C16orf95: variants seen among roughly 807,000 people sequenced by gnomAD.
C16orf95 encodes the protein chromosome 16 open reading frame 95, also known as uncharacterized protein C16orf95.
Under a neutral mutation model 32.1 loss-of-function variants are expected in C16orf95, and 41 were observed. The observed-to-expected ratio is 1.28, with a 90% CI of 1.00 to 1.66. The LOEUF (loss-of-function observed/expected upper bound fraction) is 1.66, where lower values mean the gene tolerates loss of function less well. Ranked by LOEUF, C16orf95 falls within the 40% of genes most tolerant of loss-of-function variation. The probability of loss-of-function intolerance (pLI) is 0.00; values close to 1 mark genes in which losing one functional copy is unlikely to be tolerated. For synonymous variants in C16orf95, 147 were observed against 128.9 expected, an observed-to-expected ratio of 1.14 and a Z score of -0.95; for missense variants, 399 against 325.9, an observed-to-expected ratio of 1.22 and a Z score of -1.73.
chr16:87,317,290 G>GGCCCTGAC lies in C16orf95; in HGVS notation c.-56_-49dup. ...CCCTTTCACACACACATCGTCCGCA[G>GGCCCTGAC]GCCCTGACGCCCTGGCTCCCGCCTT... On this transcript the variant is annotated 5_prime_UTR_variant, in exon 1 of 7. Transcript: ENST00000567970. The GGCCCTGAC allele has an allele frequency of 6.8e-7, 1 of 1,465,134 alleles. No individual in the cohort carries two copies. Among genetic ancestry groups the GGCCCTGAC allele is most frequent in the African/African-American group, 1.4e-5 (1 of 70,772 alleles). The allele number at this position is 1,465,134 out of a possible 1,614,324, so 90.8% of individuals were successfully genotyped here.
At position 87,303,066 on chromosome 16, in the gene C16orf95, A is replaced by C. The variant is rs554092207; in HGVS notation, c.711T>G (p.Phe237Leu). The C allele has an allele frequency of 1.3e-6, 2 of 1,535,960 alleles. No homozygotes were observed. The highest frequency in any genetic ancestry group is 2.7e-5 in the African/African-American group (2 of 73,042). The change falls in exon 7 of 7, where the codon TTT becomes TTG. Residue 237 changes from phenylalanine to leucine, a missense_variant. Physicochemically the swap from Phe to Leu is conservative, Grantham distance 22. Coordinates refer to ENST00000567970, the MANE Select transcript of C16orf95 (RefSeq NM_001195124.3). ...GCTGAAGATTCCAACTTCAAACCCC[A>C]AAACACTGGCTGGAAAGCAAAGAGA... is the stretch of plus-strand genomic sequence containing the variant. ...PRVIMAIRQC[F>L]GV
chr16:87,310,057 C>T (rs1318667857), intron 5 of C16orf95, among the ~76,000 whole-genome samples: 3 of 152,126 alleles, frequency 2.0e-5, no homozygotes, highest in Admixed American at 6.5e-5. Context: ...TCCAGAGAAC[C>T]GATGCTGGCA....
At chr16:87,307,013 G>T (rs1567603298) in intron 5 of C16orf95, among the ~76,000 whole-genome samples, 3 of 152,170 alleles carry the variant, frequency 2.0e-5, no homozygotes, top group Non-Finnish European at 4.4e-5. Context: ...TAAGAGGTGA[G>T]CAGTTGGTTG....
intron 1 of C16orf95, 54 bp from the exon 2 acceptor site, chr16:87,315,877 TGCTAGAGCACAG>T: frequency 7.1e-7 from 1 of 1,398,848 alleles, no homozygotes; most frequent in Non-Finnish European, 9.6e-7. Flanking sequence ...GGGGCAGGGA[TGCTAGAGCACAG>T]GCCTGGACCT....
chr16:87,314,891 C>T, intron 3 of C16orf95, 80 bp downstream of exon 3: 1 of 1,208,976 alleles, frequency 8.3e-7, no homozygotes, highest in Non-Finnish European at 1.1e-6. Flanking sequence ...TCATATAATA[C>T]TTCTAATTCT....
Position 87,315,780 on chromosome 16 carries a change from G to A in C16orf95, c.196C>T (p.Arg66Cys), listed in dbSNP as rs185262470. 162 of 1,529,678 alleles carry A rather than the reference G, an allele frequency of 1.1e-4. 1 individual carries two copies. In the East Asian group the frequency reaches 2.0e-3, roughly 19 times the overall value. 94.8% of individuals were successfully genotyped at this position (1,529,678 alleles called of 1,614,324 possible). A position where few individuals can be genotyped will look rare whatever the true frequency, so the allele number is the denominator to read the frequency against. ...QTYKKEVCLP[R>C]HSMHPGPWAI... ...GGATTTGCTTTCCTTACCGAATGAC[G>A]GGGGAGGCACACTTCTTTCTTGTAG... is the stretch of plus-strand genomic sequence containing the variant. Residue 66 changes from arginine (R) to cysteine (C), a missense_variant, in exon 2 of 7, where the codon CGT (arginine) becomes TGT (cysteine). Physicochemically the swap from Arg to Cys is radical, Grantham distance 180 (BLOSUM62 -3). Coordinates refer to ENST00000567970, the MANE Select transcript of C16orf95 (RefSeq NM_001195124.3).
chr16:87,314,996 G>C lies in C16orf95; in HGVS notation c.305C>G (p.Pro102Arg). ...RVEAALPYWVPLSLRPRKQSQ... is the reference protein window; with the variant it reads ...RVEAALPYWVRLSLRPRKQSQ... Reference sequence around the variant, plus strand: ...CTGCTTTCGGGGTCTCAGGGACAGAGGGACCCAGTAAGGCAGTGCTGCTTC... The same window carrying C: ...CTGCTTTCGGGGTCTCAGGGACAGACGGACCCAGTAAGGCAGTGCTGCTTC... Residue 102 changes from proline to arginine, a missense_variant, in exon 3 of 7, where the codon CCT becomes CGT. Pro to Arg is a moderately radical substitution (Grantham distance 103, BLOSUM62 -2). Transcript: ENST00000567970. 6.5e-7 allele frequency: 1 copy of C among 1,536,130 alleles called. No homozygotes were observed. Among genetic ancestry groups the C allele is most frequent in the Non-Finnish European group, 8.7e-7 (1 of 1,146,888 alleles).
chr16:87,315,677 T>C (rs1904315845), intron 2 of C16orf95, 95 bp downstream of exon 2: 1 of 963,084 alleles, frequency 1.0e-6, no homozygotes, highest in Non-Finnish European at 1.5e-6. Flanking sequence ...GATTCTCTCA[T>C]GGGATGCAGC....
chr16:87,303,374 G>A (rs1231644195), intron 6 of C16orf95: 3 of 386,788 alleles, frequency 7.8e-6, no homozygotes, highest in Non-Finnish European at 1.4e-5. Context: ...TGAAATGAAG[G>A]CAGGTCTCAC....
rs141834191 is a variant in C16orf95, at chr16:87,315,833, A to C, written c.153-10T>G. 1.0e-4 allele frequency: 159 copies of C among 1,526,620 alleles called. No individual in the cohort carries two copies. In the African/African-American group the frequency reaches 1.8e-3, roughly 17 times the overall value. 94.6% of individuals were successfully genotyped at this position (1,526,620 alleles called of 1,614,324 possible). ...TTGAAATGTGCTATTCCTAGAAGAG[A>C]AGAACAGAAAAGCTTAGGGTTTGTG... On this transcript the variant is annotated splice_polypyrimidine_tract_variant and intron_variant, in intron 1 of 6. Transcript: ENST00000567970.
chr16:87,315,184 C>T lies in C16orf95; in HGVS notation c.205-88G>A, dbSNP rs547138665. 48 of 1,360,688 alleles carry T rather than the reference C, an allele frequency of 3.5e-5. No homozygotes were observed. In the African/African-American group the frequency reaches 6.4e-4, roughly 18 times the overall value. The allele number at this position is 1,360,688 out of a possible 1,614,324, so 84.3% of individuals were successfully genotyped here. On this transcript the variant is annotated intron_variant, in intron 2 of 6. Transcript: ENST00000567970. The stretch of plus-strand genomic sequence containing the variant: ...CTCTCAAGCACAGTAGATCCGTGCT[C>T]AGGAAGATGGTGTCCGGGGGCAGGG...
At chr16:87,311,373 C>T (rs186200826) in intron 3 of C16orf95, 77 bp from the exon 4 acceptor site, 1 of 1,402,674 alleles carries the variant, frequency 7.1e-7, no homozygotes, top group East Asian at 2.5e-5. Context: ...CTGATGGAGC[C>T]ATCCCCCAGA....
Position 87,314,965 on chromosome 16 carries a change from A to T in C16orf95, c.330+6T>A, listed in dbSNP as rs1435747363. 5.2e-6 allele frequency: 8 copies of T among 1,535,730 alleles called. No individual in the cohort carries two copies. In the South Asian group the frequency reaches 9.5e-5, roughly 18 times the overall value. On this transcript the variant is annotated splice_donor_region_variant and intron_variant, in intron 3 of 6. Transcript: ENST00000567970. ...AGGGGAAGACCTCCTGGTTCAAGTC[A>T]CCTACCTGCTTTCGGGGTCTCAGGG...
chr16:87,316,271 C>T lies in C16orf95; in HGVS notation c.153-448G>A, dbSNP rs181758895. On this transcript the variant is annotated intron_variant, in intron 1 of 6. Coordinates refer to ENST00000567970, the MANE Select transcript of C16orf95 (RefSeq NM_001195124.3). ...CTGTCCATTAATGAACCTCCTTCCA[C>T]TATAAAAACCCGGGTGCTTTGTCTC... Among the ~76,000 whole-genome samples the T allele has an allele frequency of 9.2e-5, 14 of 152,262 alleles. No individual in the cohort carries two copies. In the East Asian group the frequency reaches 2.7e-3, roughly 29 times the overall value.
At chr16:87,313,148 C>G (rs1911358732) in intron 3 of C16orf95, among the ~76,000 whole-genome samples, 1 of 148,788 alleles carries the variant, frequency 6.7e-6, no homozygotes, top group Non-Finnish European at 1.5e-5. Context: ...CAGTAGGGTA[C>G]TTTTGTAGAA....
Position 87,305,711 on chromosome 16 carries a change from C to A in C16orf95, c.701+8G>T. Reference sequence around the variant, plus strand: ...CCACCCACTGTCCCCCATCCCCCACCTGCTCACCGAATGGCCATGATGACC... The same window carrying A: ...CCACCCACTGTCCCCCATCCCCCACATGCTCACCGAATGGCCATGATGACC... On this transcript the variant is annotated splice_region_variant and intron_variant, in intron 6 of 6. Transcript: ENST00000567970. The surrounding 1 kb of genome is among the most constrained non-coding windows in gnomAD (Gnocchi z 4.2). 1 of 1,496,382 alleles carries A rather than the reference C, an allele frequency of 6.7e-7. No individual in the cohort carries two copies. Among genetic ancestry groups the A allele is most frequent in the Non-Finnish European group, 8.9e-7 (1 of 1,128,404 alleles). The allele number at this position is 1,496,382 out of a possible 1,614,324, so 92.7% of individuals were successfully genotyped here. A position where few individuals can be genotyped will look rare whatever the true frequency, so the allele number is the denominator to read the frequency against.
chr16:87,315,519 C>T (rs573801972), intron 2 of C16orf95, among the ~76,000 whole-genome samples: 2 of 152,340 alleles, frequency 1.3e-5, no homozygotes, highest in African/African-American at 4.8e-5. Flanking sequence ...AGGAGAGGTG[C>T]TGCCATCACC....
rs945039474 is a variant in C16orf95, at chr16:87,305,625, C to A, written c.701+94G>T. On this transcript the variant is annotated intron_variant, in intron 6 of 6. Transcript: ENST00000567970. The surrounding 1 kb of genome is among the most constrained non-coding windows in gnomAD (Gnocchi z 4.2). ...GCCTGTCAAGTTAAGCCCCACCCCC[C>A]ACTCTTCCACATCCCTGATGGCCAC... The A allele has an allele frequency of 1.3e-4, 151 of 1,164,812 alleles. No individual in the cohort carries two copies. The highest frequency in any genetic ancestry group is 1.7e-4 in the Non-Finnish European group (143 of 858,528). The allele number at this position is 1,164,812 out of a possible 1,614,324, so 72.2% of individuals were successfully genotyped here.
At chr16:87,311,076 T>C (rs1192013756) in intron 4 of C16orf95, 74 bp downstream of exon 4, 2 of 1,337,664 alleles carry the variant, frequency 1.5e-6, no homozygotes, top group Non-Finnish European at 2.0e-6. Flanking sequence ...CTTCCCCTTC[T>C]TCCTCCCATC....
Sources: gnomAD v4.1 joint callset for allele counts (sites outside exome capture counted in the v4.1 genomes callset) on GRCh38, gnomAD v4.1.1 for gene constraint, Gnocchi (gnomAD v3.1) non-coding constraint, MANE v1.5 for transcripts, NCBI Gene and HGNC (gene_info 2026-07-23, HGNC 2026-07-21) for gene names.